ZNF469: variants seen among roughly 807,000 people sequenced by gnomAD.
ZNF469 encodes the protein zinc finger protein 469.
A neutral mutation model predicts 1.0 loss-of-function variants in ZNF469; 1 was observed. The observed-to-expected ratio is 1.00, with a 90% CI of 0.35 to 4.73. The LOEUF is 4.73. ZNF469 is among the 30% of genes most tolerant of loss of function. ZNF469 has a pLI of 0.16. For missense variants in ZNF469, 6,100 were observed against 5,356.3 expected, an observed-to-expected ratio of 1.14 and a Z score of -4.33; for synonymous variants, 2,703 against 2,363.4, an observed-to-expected ratio of 1.14 and a Z score of -4.17.
chr16:88,396,119 A>T (rs9972827), intron 1 of ZNF469, among the ~76,000 whole-genome samples: 39,322 of 152,224 alleles, frequency 0.26, 5,680 homozygotes, highest in African/African-American at 0.39. Flanking sequence ...TGCGTTTTTC[A>T]GGTGCTTGTA....
At position 88,394,719 on chromosome 16, in the gene ZNF469, G is replaced by C. The variant is rs190555406; in HGVS notation, c.-192+11465G>C. 1.9e-4 allele frequency among the ~76,000 whole-genome samples: 29 copies of C among 152,306 alleles called. No homozygotes were observed. The East Asian group carries it at 5.4e-3, about 28-fold the overall frequency. Reference sequence around the variant, plus strand: ...AGGCCAGGAGACATCCAGGTGTTCAGAGAGTGAAAGGTGCAGTGCCTGAGG... The same window carrying C: ...AGGCCAGGAGACATCCAGGTGTTCACAGAGTGAAAGGTGCAGTGCCTGAGG... On this transcript the variant is annotated intron_variant, in intron 1 of 2. Transcript: ENST00000565624.
chr16:88,256,756 G>T, the ZNF469 span, among the ~76,000 whole-genome samples: 1 of 152,224 alleles, frequency 6.6e-6, no homozygotes, highest in South Asian at 2.1e-4. Flanking sequence ...ACGCTGTTAG[G>T]TGAGAGGCGA....
the ZNF469 span, among the ~76,000 whole-genome samples, chr16:88,372,847 C>G: frequency 1.3e-5 from 2 of 152,064 alleles, no homozygotes; most frequent in Non-Finnish European, 2.9e-5. Flanking sequence ...TTACCATCAC[C>G]ACCATCATCA....
rs933192639 is a variant in ZNF469 at position 88,428,729 on chromosome 16, C to A, written c.1259C>A (p.Pro420Gln). ...AYRASGVDTSPGPPDTELAAP... is the reference protein window; with the variant it reads ...AYRASGVDTSQGPPDTELAAP... ...AGAGCCAGTGGGGTGGACACCAGCC[C>A]GGGGCCTCCGGACACCGAGCTGGCC... The change falls in exon 3 of 3, where the codon CCG (proline) becomes CAG (glutamine). Residue 420 changes from proline (P) to glutamine (Q), a missense_variant. By Grantham distance (76) the Pro-to-Gln change is moderately conservative. Coordinates refer to ENST00000565624, the MANE Select transcript of ZNF469 (RefSeq NM_001367624.2). The A allele has an allele frequency of 1.3e-6, 2 of 1,547,524 alleles. No homozygotes were observed. Among genetic ancestry groups the A allele is most frequent in the South Asian group, 1.2e-5 (1 of 84,046 alleles).
At chr16:88,136,352 C>G in the ZNF469 span, among the ~76,000 whole-genome samples, 1 of 152,232 alleles carries the variant, frequency 6.6e-6, no homozygotes, top group Admixed American at 6.5e-5. Context: ...ACTCAGATTG[C>G]TGGGATAAAG....
At chr16:88,302,773 C>G in the ZNF469 span, among the ~76,000 whole-genome samples, 1 of 152,274 alleles carries the variant, frequency 6.6e-6, no homozygotes, top group Middle Eastern at 3.4e-3. Context: ...GTCTGCTTTC[C>G]AGGAACCTCA....
the ZNF469 span, among the ~76,000 whole-genome samples, chr16:88,200,492 A>T: frequency 7.9e-4 from 121 of 152,328 alleles, no homozygotes; most frequent in South Asian, 1.9e-3. Context: ...TCCAGCCCCT[A>T]CGGTCTCTCC....
the ZNF469 span, among the ~76,000 whole-genome samples, chr16:88,109,672 C>T: frequency 7.1e-5 from 10 of 140,276 alleles, no homozygotes; most frequent in East Asian, 2.2e-4. Context: ...GTCTCCTCTC[C>T]GGGATCAGGA....
chr16:88,185,361 C>CAT, the ZNF469 span, among the ~76,000 whole-genome samples: 2 of 137,698 alleles, frequency 1.5e-5, no homozygotes, highest in African/African-American at 5.8e-5. Context: ...CACACACAAA[C>CAT]ATACCTATAC....
chr16:88,334,775 C>A, the ZNF469 span, among the ~76,000 whole-genome samples: 2 of 152,062 alleles, frequency 1.3e-5, no homozygotes, highest in Non-Finnish European at 2.9e-5. Context: ...GGGAAGATGC[C>A]GACGGGAGGA....
At chr16:88,262,194 G>A in the ZNF469 span, among the ~76,000 whole-genome samples, 2 of 152,230 alleles carry the variant, frequency 1.3e-5, no homozygotes, top group Non-Finnish European at 2.9e-5. The surrounding 1 kb of genome is among the most constrained non-coding windows in gnomAD (Gnocchi z 4.3). Context: ...GAATCTGAGG[G>A]AAGAGGCCTT....
At chr16:88,264,197 C>T in the ZNF469 span, among the ~76,000 whole-genome samples, 1 of 152,198 alleles carries the variant, frequency 6.6e-6, no homozygotes, top group East Asian at 1.9e-4. Context: ...GTCCTCAGGC[C>T]CCTTTGCTTC....
rs576769267 is a variant in ZNF469 at position 88,434,233 on chromosome 16, G to A, written c.6763G>A (p.Asp2255Asn). ...AGACAGCACTTTAAGAATTCCAGAG[G>A]ATTCCAGAAAAGAGAAGCTGTGGGA... ...PKDSTLRIPEDSRKEKLWESP... is the reference protein window; with the variant it reads ...PKDSTLRIPENSRKEKLWESP... The change falls in exon 3 of 3, where the codon GAT becomes AAT. Residue 2255 changes from aspartate (D) to asparagine (N), a missense_variant. Asp to Asn is a conservative substitution (Grantham distance 23). Coordinates refer to ENST00000565624, the MANE Select transcript of ZNF469 (RefSeq NM_001367624.2). 1.3e-6 allele frequency: 2 copies of A among 1,550,352 alleles called. No homozygotes were observed. Among genetic ancestry groups the A allele is most frequent in the Non-Finnish European group, 1.7e-6 (2 of 1,146,964 alleles).
the ZNF469 span, among the ~76,000 whole-genome samples, chr16:88,351,570 C>G: frequency 6.6e-6 from 1 of 152,190 alleles, no homozygotes; most frequent in South Asian, 2.1e-4. Flanking sequence ...GTGATGTCCC[C>G]GTGTCCTCCG....
chr16:88,316,021 C>G, the ZNF469 span, among the ~76,000 whole-genome samples: 3 of 152,234 alleles, frequency 2.0e-5, no homozygotes, highest in Non-Finnish European at 4.4e-5. Flanking sequence ...GCACCTGCAG[C>G]TCTGTAGGGC....
the ZNF469 span, among the ~76,000 whole-genome samples, chr16:88,133,101 G>C: frequency 1.8e-4 from 27 of 152,308 alleles, no homozygotes; most frequent in Non-Finnish European, 3.4e-4. Flanking sequence ...GTAGCTTTGC[G>C]GGAGAGCACT....
the ZNF469 span, among the ~76,000 whole-genome samples, chr16:88,262,258 G>A: frequency 2.0e-5 from 3 of 152,182 alleles, no homozygotes; most frequent in Admixed American, 6.5e-5. This position sits in a 1 kb window ranked among gnomAD's most constrained non-coding sequence, Gnocchi z 4.3. Flanking sequence ...AAAACACCCT[G>A]AAATAACAGA....
the ZNF469 span, among the ~76,000 whole-genome samples, chr16:88,128,452 C>T: frequency 0.012 from 1,903 of 152,278 alleles, 46 homozygotes; most frequent in African/African-American, 0.044. Context: ...ACCCTCCAAC[C>T]CTCAAATACA....
Position 88,437,613 on chromosome 16 carries a change from G to A in ZNF469, c.10143G>A (p.Leu3381=), listed in dbSNP as rs1597214320. ...PRVYPEHGEL[L]AHLGGAHGLL... The stretch of plus-strand genomic sequence containing the variant: ...TCTACCCCGAGCACGGGGAGCTGCT[G>A]GCACACCTGGGCGGGGCGCACGGGC... The change falls in exon 3 of 3, where the codon CTG becomes CTA. Residue 3381 remains leucine, a synonymous_variant. Coordinates refer to ENST00000565624, the MANE Select transcript of ZNF469 (RefSeq NM_001367624.2). 1 of 1,538,116 alleles carries A rather than the reference G, an allele frequency of 6.5e-7. No homozygotes were observed. The highest frequency in any genetic ancestry group is 2.5e-5 in the East Asian group (1 of 40,456).
Sources: allele counts gnomAD v4.1 joint callset (sites outside exome capture counted in the v4.1 genomes callset), GRCh38; gene constraint gnomAD v4.1.1; non-coding constraint Gnocchi (gnomAD v3.1); transcripts MANE v1.5; gene names NCBI Gene and HGNC (gene_info 2026-07-23, HGNC 2026-07-21).